Variants in PDILT observed in about 807,000 individuals in gnomAD.
PDILT encodes protein disulfide-isomerase-like protein of the testis.
In PDILT, 43 loss-of-function variants were observed where a neutral mutation model predicts 53.7. The ratio of observed to expected loss-of-function variants is 0.80; its 90% CI spans 0.63 to 1.03. The LOEUF (loss-of-function observed/expected upper bound fraction) is 1.03. Ranked by LOEUF, PDILT falls within the 50% of genes least tolerant of loss-of-function variation. The pLI is 0.00. For missense variants in PDILT, 727 were observed against 712.3 expected, an observed-to-expected ratio of 1.02 and a Z score of -0.24; for synonymous variants, 282 against 274.2, an observed-to-expected ratio of 1.03 and a Z score of -0.28.
Position 20,362,588 on chromosome 16 carries a change from A to G in PDILT, c.1238-6T>C. 1 of 1,613,998 alleles carries G rather than the reference A, an allele frequency of 6.2e-7. No individual in the cohort carries two copies. Among genetic ancestry groups the G allele is most frequent in the Non-Finnish European group, 8.5e-7 (1 of 1,179,914 alleles). ...CTTTTTAGACCAGGGTGCATCTGGA[A>G]GAGAAGGTCCATGGCTCAGGCTCAC... On this transcript the variant is annotated splice_region_variant and splice_polypyrimidine_tract_variant and intron_variant, in intron 9 of 11. Transcript: ENST00000302451.
chr16:20,367,226 C>T (rs1966226171), intron 8 of PDILT, among the ~76,000 whole-genome samples: 1 of 151,992 alleles, frequency 6.6e-6, no homozygotes, highest in Non-Finnish European at 1.5e-5. Context: ...CCTCAGCCTC[C>T]TGAGTAGCTG....
chr16:20,369,715 C>G, intron 7 of PDILT, 26 bp from the exon 8 acceptor site: 2 of 1,611,484 alleles, frequency 1.2e-6, no homozygotes, highest in Non-Finnish European at 1.7e-6. Context: ...AAACCCTTGT[C>G]TCTCTGGATC....
intron 2 of PDILT, among the ~76,000 whole-genome samples, chr16:20,396,897 G>T (rs1195239905): frequency 1.7e-5 from 2 of 114,354 alleles, no homozygotes; most frequent in Non-Finnish European, 4.4e-5. Flanking sequence ...GCTTCTGCCT[G>T]TGGAGTGCCC....
Position 20,369,614 on chromosome 16 carries a change from C to A in PDILT, c.994G>T (p.Asp332Tyr), listed in dbSNP as rs142699224. The change falls in exon 8 of 12, where the codon GAT (aspartate) becomes TAT (tyrosine). Residue 332 changes from aspartate (D) to tyrosine (Y), a missense_variant. Coordinates refer to ENST00000302451, the MANE Select transcript of PDILT (RefSeq NM_174924.2). ...TTTAGGATTTGGACGGATGGGATATCGACCTCTGTGACCCGGAAGTACTTG... is the reference window on the plus strand; with the variant it reads ...TTTAGGATTTGGACGGATGGGATATAGACCTCTGTGACCCGGAAGTACTTG... ...VFKYFRVTEV[D>Y]IPSVQILNLS... The A allele has an allele frequency of 6.2e-7, 1 of 1,614,164 alleles. No individual in the cohort carries two copies. The highest frequency in any genetic ancestry group is 8.5e-7 in the Non-Finnish European group (1 of 1,180,028).
At chr16:20,367,021 TTTC>T (rs1157114185) in intron 8 of PDILT, among the ~76,000 whole-genome samples, 5 of 148,692 alleles carry the variant, frequency 3.4e-5, no homozygotes, top group African/African-American at 5.0e-5. Flanking sequence ...TCTCTCTCTC[TTTC>T]TTCTTTCTTT....
At chr16:20,402,684 T>C (rs1966759023) in intron 1 of PDILT, among the ~76,000 whole-genome samples, 1 of 152,210 alleles carries the variant, frequency 6.6e-6, no homozygotes, top group Non-Finnish European at 1.5e-5. Flanking sequence ...AACTACTGTA[T>C]TTGCATTTCT....
intron 5 of PDILT, among the ~76,000 whole-genome samples, chr16:20,374,238 G>A (rs529781831): frequency 2.0e-4 from 30 of 152,150 alleles, no homozygotes; most frequent in Middle Eastern, 6.8e-3. Flanking sequence ...GAAATGAATG[G>A]TTAAAGAGAT....
In PDILT at chr16:20,359,271, A is replaced by T; in HGVS notation, c.*48T>A. On this transcript the variant is annotated 3_prime_UTR_variant, in exon 12 of 12. Transcript: ENST00000302451. Reference sequence around the variant, plus strand: ...TTGGAATCAATCCATTCAGAAAATGATGCCAGGATCTGGAAAATAAGCATC... The same window carrying T: ...TTGGAATCAATCCATTCAGAAAATGTTGCCAGGATCTGGAAAATAAGCATC... The T allele has an allele frequency of 1.9e-6, 3 of 1,600,710 alleles. No individual in the cohort carries two copies. Among genetic ancestry groups the T allele is most frequent in the Non-Finnish European group, 2.6e-6 (3 of 1,174,546 alleles).
chr16:20,360,595 G>A lies in PDILT; in HGVS notation c.1479C>T (p.Ile493=). The change falls in exon 11 of 12, where the codon ATC becomes ATT. Residue 493 remains isoleucine (I), a synonymous_variant. Coordinates refer to ENST00000302451, the MANE Select transcript of PDILT (RefSeq NM_174924.2). ...KGFSDFLESH[I]KTKIEDEDEL... ...CATCCTCATCCTCAATCTTAGTTTT[G>A]ATGTGGCTTTCCAGGAAGTCAGAGA... The A allele has an allele frequency of 6.2e-7, 1 of 1,613,946 alleles. No homozygotes were observed. The highest frequency in any genetic ancestry group is 8.5e-7 in the Non-Finnish European group (1 of 1,179,856).
chr16:20,384,422 T>G lies in PDILT; in HGVS notation c.409+223A>C, dbSNP rs376334347. On this transcript the variant is annotated intron_variant, in intron 3 of 11. Transcript: ENST00000302451. ...TTACCACTGTTCATGGCCAGGGCCA[T>G]GAACAGTACCCGTGGTGACCTTCTA... 2.4e-4 allele frequency among the ~76,000 whole-genome samples: 36 copies of G among 152,118 alleles called. 1 individual carries two copies. Among genetic ancestry groups the G allele is most frequent in the East Asian group, 1.7e-3 (9 of 5,182 alleles).
At chr16:20,391,303 GTCA>G (rs1413966826) in intron 2 of PDILT, 1 of 164,774 alleles carries the variant, frequency 6.1e-6, no homozygotes, top group African/African-American at 2.4e-5. Context: ...CATCGCCATT[GTCA>G]TCATCACCAC....
chr16:20,399,778 T>A (rs1334876396), intron 1 of PDILT, among the ~76,000 whole-genome samples: 2 of 147,082 alleles, frequency 1.4e-5, no homozygotes, highest in African/African-American at 2.5e-5. Flanking sequence ...GGAAGCTCAC[T>A]ACCTGCAGTG....
chr16:20,384,663 C>T lies in PDILT; in HGVS notation c.391G>A (p.Glu131Lys), dbSNP rs1220742055. 3.7e-6 allele frequency: 6 copies of T among 1,614,090 alleles called. No homozygotes were observed. In the African/African-American group the frequency reaches 6.7e-5, roughly 18 times the overall value. Reference protein sequence around the residue: ...LKLFFEGNRSEPISCKGVVES... With the variant: ...LKLFFEGNRSKPISCKGVVES... ...CCATTACCTTTGCAGCTGATGGGCT[C>T]TGACCTGTTGCCCTCAAAAAACAGC... Residue 131 changes from glutamate (E) to lysine (K), a missense_variant, in exon 3 of 12, where the codon GAG becomes AAG. Glu to Lys is a moderately conservative substitution (Grantham distance 56). Transcript: ENST00000302451.
chr16:20,366,235 T>C lies in PDILT; in HGVS notation c.1117-695A>G, dbSNP rs531304776. ...GTCTTCTCTTTTCTTTCCTCAGCCA[T>C]GTTGGTCTTCAGCTTAACCAAATGG... On this transcript the variant is annotated intron_variant, in intron 8 of 11. Coordinates refer to ENST00000302451, the MANE Select transcript of PDILT (RefSeq NM_174924.2). 5.9e-5 allele frequency among the ~76,000 whole-genome samples: 9 copies of C among 152,320 alleles called. No homozygotes were observed. The South Asian group carries it at 1.5e-3, about 25-fold the overall frequency.
chr16:20,390,533 T>G (rs2141616259), intron 2 of PDILT: 1 of 152,308 alleles, frequency 6.6e-6, no homozygotes, highest in South Asian at 2.1e-4. Flanking sequence ...CTCTTGTGTA[T>G]TTTTCTCCAT....
intron 3 of PDILT, among the ~76,000 whole-genome samples, chr16:20,380,315 T>C (rs1966445013): frequency 6.6e-6 from 1 of 152,088 alleles, no homozygotes; most frequent in Non-Finnish European, 1.5e-5. Context: ...CCTGTTCTAT[T>C]TTCTTTTCTT....
At position 20,376,331 on chromosome 16, in the gene PDILT, C is replaced by T. The variant is rs192414695; in HGVS notation, c.410-130G>A. 17 of 1,031,700 alleles carry T rather than the reference C, an allele frequency of 1.6e-5. 1 individual carries two copies. In the African/African-American group the frequency reaches 2.7e-4, roughly 17 times the overall value. The allele number at this position is 1,031,700 out of a possible 1,614,324, so 63.9% of individuals were successfully genotyped here. A position where few individuals can be genotyped will look rare whatever the true frequency, so the allele number is the denominator to read the frequency against. ...GCTCCCACCCCTTGAAGGCCAAAGT[C>T]AGTTCCTCCATTCCCCTCTTCCCCA... On this transcript the variant is annotated intron_variant, in intron 3 of 11. Transcript: ENST00000302451.
At chr16:20,382,496 A>T (rs1171192768) in intron 3 of PDILT, among the ~76,000 whole-genome samples, 1 of 152,216 alleles carries the variant, frequency 6.6e-6, no homozygotes, top group Non-Finnish European at 1.5e-5. Flanking sequence ...TGGAATATTA[A>T]TAATCTGGGC....
chr16:20,379,089 C>T (rs1462541993), intron 3 of PDILT, among the ~76,000 whole-genome samples: 1 of 151,982 alleles, frequency 6.6e-6, no homozygotes, highest in East Asian at 1.9e-4. Flanking sequence ...TCGTGGCTTA[C>T]TGCAGCCTCG....
Sources: gnomAD v4.1 joint callset for allele counts (sites outside exome capture counted in the v4.1 genomes callset) on GRCh38, gnomAD v4.1.1 for gene constraint, MANE v1.5 for transcripts, NCBI Gene and HGNC (gene_info 2026-07-23, HGNC 2026-07-21) for gene names.